Variants in AFG2A observed in about 807,000 individuals in gnomAD.
AFG2A encodes ATPase family gene 2 protein homolog A.
At chr4:123,017,683 A>G in the AFG2A span, among the ~76,000 whole-genome samples, 1 of 151,964 alleles carries the variant, frequency 6.6e-6, no homozygotes, top group Admixed American at 6.6e-5. Flanking sequence ...GTGTCTTTTG[A>G]ACATTGTTGA....
the AFG2A span, among the ~76,000 whole-genome samples, chr4:123,177,192 A>ATT: frequency 0.085 from 11,052 of 130,184 alleles, 631 homozygotes; most frequent in Middle Eastern, 0.19. Flanking sequence ...GCTTGATTTG[A>ATT]TTTTTTTTTT....
the AFG2A span, among the ~76,000 whole-genome samples, chr4:123,310,695 T>C: frequency 2.0e-5 from 3 of 152,160 alleles, no homozygotes; most frequent in Admixed American, 6.6e-5. Context: ...TTGCACAGAG[T>C]AGCTATTCAG....
chr4:123,050,577 C>A, the AFG2A span, among the ~76,000 whole-genome samples: 1 of 152,092 alleles, frequency 6.6e-6, no homozygotes, highest in Non-Finnish European at 1.5e-5. Flanking sequence ...TCTCTTTTTA[C>A]AAGTTGTGAC....
At chr4:123,050,911 A>AT in the AFG2A span, among the ~76,000 whole-genome samples, 25 of 150,812 alleles carry the variant, frequency 1.7e-4, no homozygotes, top group Middle Eastern at 3.4e-3. Flanking sequence ...CGCCCAGCTA[A>AT]TTTTTTTTTA....
the AFG2A span, chr4:122,923,209 G>T: frequency 6.2e-7 from 1 of 1,614,230 alleles, no homozygotes; most frequent in Non-Finnish European, 8.5e-7. Context: ...CTTGCCCTCT[G>T]CTGCTTCCTC....
chr4:122,946,429 CT>C, the AFG2A span, among the ~76,000 whole-genome samples: 1 of 152,270 alleles, frequency 6.6e-6, no homozygotes, highest in African/African-American at 2.4e-5. Context: ...TGTTTTTGTA[CT>C]TCTAAACTTA....
the AFG2A span, among the ~76,000 whole-genome samples, chr4:123,060,777 A>T: frequency 2.6e-5 from 4 of 152,114 alleles, no homozygotes; most frequent in Non-Finnish European, 5.9e-5. Context: ...TACTTAAGCA[A>T]ATTACTGCAG....
At chr4:123,308,726 C>T in the AFG2A span, among the ~76,000 whole-genome samples, 1 of 152,156 alleles carries the variant, frequency 6.6e-6, no homozygotes, top group Admixed American at 6.5e-5. Context: ...ACATAAGTAA[C>T]TAAAAATACT....
chr4:123,133,181 C>G, the AFG2A span, among the ~76,000 whole-genome samples: 11 of 152,146 alleles, frequency 7.2e-5, no homozygotes, highest in Admixed American at 6.6e-4. Flanking sequence ...ATTTGCAGTT[C>G]TGGGATATGC....
At chr4:123,319,419 A>G in the AFG2A span, 2 of 152,240 alleles carry the variant, frequency 1.3e-5, no homozygotes. Flanking sequence ...GATTAAATTA[A>G]CACTGCTTTC....
At chr4:123,071,384 G>A in the AFG2A span, among the ~76,000 whole-genome samples, 1 of 152,080 alleles carries the variant, frequency 6.6e-6, no homozygotes, top group Non-Finnish European at 1.5e-5. Flanking sequence ...GGAGGCTGAG[G>A]CAGGAGAATC....
At chr4:123,181,901 AT>A in the AFG2A span, among the ~76,000 whole-genome samples, 1 of 152,152 alleles carries the variant, frequency 6.6e-6, no homozygotes, top group East Asian at 1.9e-4. Flanking sequence ...ACAGAAAATA[AT>A]TTAGTCATGT....
the AFG2A span, among the ~76,000 whole-genome samples, chr4:123,204,095 A>C: frequency 3.9e-5 from 6 of 152,198 alleles, no homozygotes; most frequent in Middle Eastern, 3.4e-3. Context: ...TTCCACTTTT[A>C]ATTCTTGTGT....
the AFG2A span, among the ~76,000 whole-genome samples, chr4:123,188,893 C>T: frequency 6.6e-6 from 1 of 152,160 alleles, no homozygotes; most frequent in African/African-American, 2.4e-5. Flanking sequence ...AGTCATTAAA[C>T]TTACAAGTTT....
chr4:123,275,469 C>T, the AFG2A span, among the ~76,000 whole-genome samples: 3 of 152,076 alleles, frequency 2.0e-5, no homozygotes, highest in Non-Finnish European at 4.4e-5. Flanking sequence ...ACTTAACTGA[C>T]ATATGCCTTG....
the AFG2A span, among the ~76,000 whole-genome samples, chr4:123,226,036 G>C: frequency 6.6e-6 from 1 of 152,090 alleles, no homozygotes; most frequent in Non-Finnish European, 1.5e-5. Flanking sequence ...GTATAAGAAC[G>C]CTTGTGATTT....
the AFG2A span, among the ~76,000 whole-genome samples, chr4:123,126,101 A>G: frequency 6.6e-6 from 1 of 152,226 alleles, no homozygotes; most frequent in African/African-American, 2.4e-5. Flanking sequence ...GCATCTTACC[A>G]TTATAGTATT....
chr4:123,197,749 C>CG, the AFG2A span, among the ~76,000 whole-genome samples: 8 of 150,768 alleles, frequency 5.3e-5, no homozygotes, highest in East Asian at 1.6e-3. Context: ...GCCTGGGTGA[C>CG]GGAGTAAGAC....
the AFG2A span, among the ~76,000 whole-genome samples, chr4:123,166,599 A>G: frequency 1.3e-5 from 2 of 152,190 alleles, no homozygotes; most frequent in Non-Finnish European, 2.9e-5. Flanking sequence ...CTAAATGGTT[A>G]GGGAACTTGT....
Sources: gnomAD v4.1 joint callset for allele counts (sites outside exome capture counted in the v4.1 genomes callset) on GRCh38, gnomAD v4.1.1 for gene constraint, MANE v1.5 for transcripts, NCBI Gene and HGNC (gene_info 2026-07-23, HGNC 2026-07-21) for gene names.